NEK10: variants seen among roughly 807,000 people sequenced by gnomAD.
NEK10 encodes the protein NIMA related kinase 10, also known as serine/threonine-protein kinase Nek10.
In NEK10, 122 loss-of-function variants were observed where a neutral mutation model predicts 159.8. The ratio of observed to expected loss-of-function variants is 0.76; its 90% CI spans 0.66 to 0.89. The LOEUF (loss-of-function observed/expected upper bound fraction) is 0.89. Among genes scored for constraint, NEK10 ranks in the 40% least tolerant of loss-of-function variants. The probability of loss-of-function intolerance (pLI) is 0.00; values close to 1 mark genes in which losing one functional copy is unlikely to be tolerated. For missense variants in NEK10, 1,342 were observed against 1,323.1 expected, an observed-to-expected ratio of 1.01 and a Z score of -0.22; for synonymous variants, 466 against 457.1, an observed-to-expected ratio of 1.02 and a Z score of -0.25.
chr3:27,204,275 CTTTTTTTTTTTTTTTTTTTGTTGTTGTTT>C (rs1400731180), intron 23 of NEK10, among the ~76,000 whole-genome samples: 1 of 64,006 alleles, frequency 1.6e-5, no homozygotes, highest in African/African-American at 5.5e-5. Flanking sequence ...GATAAATTTT[CTTTTTTTTTTTTTTTTTTTGTTGTTGTTT>C]TTTTTTTTTT....
At chr3:27,220,486 A>G (rs991673089) in intron 23 of NEK10, among the ~76,000 whole-genome samples, 2 of 152,138 alleles carry the variant, frequency 1.3e-5, no homozygotes, top group Non-Finnish European at 2.9e-5. Context: ...AGTAGCCTCA[A>G]ATCCATCTGC....
intron 9 of NEK10, 50 bp from the exon 10 acceptor site, chr3:27,309,055 C>CT: frequency 1.2e-6 from 1 of 865,920 alleles, no homozygotes; most frequent in Non-Finnish European, 1.8e-6. Flanking sequence ...CTACAAGCTT[C>CT]TTTTTTCAAC....
At chr3:27,125,226 G>A (rs1941807849) in intron 32 of NEK10, among the ~76,000 whole-genome samples, 1 of 151,888 alleles carries the variant, frequency 6.6e-6, no homozygotes, top group Non-Finnish European at 1.5e-5. Context: ...TACTTTCTAG[G>A]CAAAACCTAA....
At chr3:27,325,776 G>A (rs148979736) in intron 5 of NEK10, among the ~76,000 whole-genome samples, 1 of 152,286 alleles carries the variant, frequency 6.6e-6, no homozygotes, top group East Asian at 1.9e-4. Flanking sequence ...CCCCAACAAG[G>A]CCTGGCTCTG....
chr3:27,175,489 T>C (rs1369355698), intron 26 of NEK10, among the ~76,000 whole-genome samples: 1 of 152,168 alleles, frequency 6.6e-6, no homozygotes, highest in African/African-American at 2.4e-5. Context: ...CCCTAAATAA[T>C]AGTATTAGAA....
At chr3:27,234,111 A>G (rs548099972) in intron 23 of NEK10, among the ~76,000 whole-genome samples, 25 of 152,162 alleles carry the variant, frequency 1.6e-4, no homozygotes, top group African/African-American at 5.5e-4. Context: ...GGTATTGAAG[A>G]AACACACCTC....
At chr3:27,248,222 T>C (rs1206334107) in intron 23 of NEK10, among the ~76,000 whole-genome samples, 1 of 152,186 alleles carries the variant, frequency 6.6e-6, no homozygotes, top group East Asian at 1.9e-4. Flanking sequence ...TGTCTCCTTT[T>C]TCATCCCTGA....
At chr3:27,129,327 C>T (rs1559490643) in intron 32 of NEK10, among the ~76,000 whole-genome samples, 3 of 152,058 alleles carry the variant, frequency 2.0e-5, no homozygotes, top group African/African-American at 2.4e-5. Context: ...ACACAGGGCC[C>T]GTGGGTTTTA....
intron 1 of NEK10, among the ~76,000 whole-genome samples, chr3:27,361,562 C>G (rs1434897513): frequency 6.6e-6 from 1 of 152,132 alleles, no homozygotes; most frequent in African/African-American, 2.4e-5. Context: ...TTATTCATTA[C>G]TCCAAGAAAT....
At chr3:27,264,075 T>C (rs1271368486) in intron 22 of NEK10, among the ~76,000 whole-genome samples, 1 of 152,212 alleles carries the variant, frequency 6.6e-6, no homozygotes, top group African/African-American at 2.4e-5. Context: ...ATGTGTGACT[T>C]GCCCAATGTC....
At position 27,301,828 on chromosome 3, in the gene NEK10, T is replaced by G. The variant is rs1469771626; in HGVS notation, c.1036A>C (p.Asn346His). The change falls in exon 13 of 36, where the codon AAT becomes CAT. Residue 346 changes from asparagine to histidine, a missense_variant. Physicochemically the swap from Asn to His is moderately conservative, Grantham distance 68. Coordinates refer to ENST00000691995, the MANE Select transcript of NEK10 (RefSeq NM_001394966.1). The part of the protein sequence containing the change: ...QLLHILQGDR[N>H]FVSDHSSIGS... ...ATGGAGGAGTGATCAGAAACAAAAT[T>G]TCTGTCTCTGAAAAAGAAAAGTTAA... The G allele has an allele frequency of 6.4e-7, 1 of 1,551,496 alleles. No individual in the cohort carries two copies.
intron 29 of NEK10, among the ~76,000 whole-genome samples, chr3:27,168,256 GA>G (rs200895276): frequency 0.18 from 24,719 of 139,792 alleles, 2,060 homozygotes; most frequent in Middle Eastern, 0.2. Context: ...CACAGAATAG[GA>G]AAAAAAAAAA....
intron 35 of NEK10, among the ~76,000 whole-genome samples, chr3:27,114,740 G>A (rs1940127908): frequency 6.6e-6 from 1 of 152,136 alleles, no homozygotes; most frequent in Non-Finnish European, 1.5e-5. Flanking sequence ...TGAAAAGGAA[G>A]GCAGTCCCTC....
intron 2 of NEK10, 89 bp from the exon 3 acceptor site, chr3:27,352,614 G>T: frequency 1.0e-6 from 1 of 978,820 alleles, no homozygotes; most frequent in South Asian, 1.3e-5. Flanking sequence ...CCACTTGGAG[G>T]CCTGCTTTTA....
intron 22 of NEK10, among the ~76,000 whole-genome samples, chr3:27,264,286 A>C (rs991595236): frequency 3.3e-5 from 5 of 152,216 alleles, no homozygotes; most frequent in African/African-American, 1.2e-4. Context: ...TTCCCAAATC[A>C]CTTCATAAAG....
chr3:27,336,522 A>G (rs1164638742), intron 5 of NEK10, among the ~76,000 whole-genome samples: 2 of 152,100 alleles, frequency 1.3e-5, no homozygotes, highest in African/African-American at 2.4e-5. Context: ...TAATAACAAA[A>G]CAAGACAAGA....
intron 19 of NEK10, among the ~76,000 whole-genome samples, chr3:27,288,740 G>A (rs2042793084): frequency 6.6e-6 from 1 of 152,096 alleles, no homozygotes; most frequent in Non-Finnish European, 1.5e-5. Flanking sequence ...TAATAATTTT[G>A]TAGTTTTTGC....
intron 22 of NEK10, among the ~76,000 whole-genome samples, chr3:27,282,558 ATACATAACTGTGT>A (rs1209130466): frequency 4.7e-4 from 64 of 137,438 alleles, no homozygotes; most frequent in African/African-American, 1.5e-3. Flanking sequence ...ATATATATAT[ATACATAACTGTGT>A]TATATATATA....
rs528997975 is a variant in NEK10, at chr3:27,147,169, G to T, written c.2870-5587C>A. On this transcript the variant is annotated intron_variant, in intron 30 of 35. Transcript: ENST00000691995. ...TAAAAATGGGACTAGAACCAAGGGGGCTGAGGTCATACACGTTGTGGGGTG... is the reference window on the plus strand; with the variant it reads ...TAAAAATGGGACTAGAACCAAGGGGTCTGAGGTCATACACGTTGTGGGGTG... 1.8e-4 allele frequency among the ~76,000 whole-genome samples: 27 copies of T among 152,318 alleles called. No homozygotes were observed. The South Asian group carries it at 5.4e-3, about 30-fold the overall frequency.
Sources: gnomAD v4.1 joint callset for allele counts (sites outside exome capture counted in the v4.1 genomes callset) on GRCh38, gnomAD v4.1.1 for gene constraint, MANE v1.5 for transcripts, NCBI Gene and HGNC (gene_info 2026-07-23, HGNC 2026-07-21) for gene names.